SATL1: variants seen among roughly 807,000 people sequenced by gnomAD.
SATL1 encodes the protein spermidine/spermine N(1)-acetyltransferase-like protein 1.
SATL1 carries 47 observed loss-of-function variants against 51.8 expected under a neutral mutation model. The ratio of observed to expected loss-of-function variants is 0.91; its 90% CI spans 0.72 to 1.16. SATL1 has a LOEUF of 1.16. Among genes scored for constraint, SATL1 ranks in the 50% most tolerant of loss-of-function variants. The pLI, the probability that SATL1 is intolerant of heterozygous loss-of-function variation, is 0.00. For synonymous variants in SATL1, 176 were observed against 182.4 expected, an observed-to-expected ratio of 0.97 and a Z score of 0.28; for missense variants, 520 against 526.4, an observed-to-expected ratio of 0.99 and a Z score of 0.12.
At position 85,152,738 on chromosome X, in the gene SATL1, G is replaced by A. The variant is rs768088447; in HGVS notation, c.-312-43458C>T. Among the ~76,000 whole-genome samples, 230 of 110,632 alleles carry A rather than the reference G, an allele frequency of 2.1e-3. 3 individuals carry two copies. The highest frequency in any genetic ancestry group is 3.5e-3 in the Non-Finnish European group (184 of 52,935). On this transcript the variant is annotated intron_variant, in intron 2 of 7. Transcript: ENST00000644105. ...AAGGACAAAAAAGCAAACACCGCATGTTCTCACTCATAGGTGGGAATTGAA... is the reference window on the plus strand; with the variant it reads ...AAGGACAAAAAAGCAAACACCGCATATTCTCACTCATAGGTGGGAATTGAA...
rs1277017072 is a variant in SATL1 at position 85,092,463 on chromosome X, A to G, written c.2016T>C (p.Leu672=). The G allele has an allele frequency of 3.9e-5, 47 of 1,203,648 alleles. No homozygotes were observed. Among genetic ancestry groups the G allele is most frequent in the Non-Finnish European group, 5.2e-5 (46 of 891,930 alleles). ...AGAGATGCCAGCCCTCCTCAGAGGA[A>G]AGGTCTAAAGCCCCTCGACTAGTAT... ...NYYTSRGALD[L]SSEEGWHLFR... Residue 672 remains leucine (L), a synonymous_variant, in exon 8 of 8, where the codon CTT becomes CTC. Coordinates refer to ENST00000644105, the MANE Select transcript of SATL1 (RefSeq NM_001367857.2).
intron 2 of SATL1, among the ~76,000 whole-genome samples, chrX:85,199,949 A>T (rs1231929805): frequency 1.8e-5 from 2 of 112,132 alleles, no homozygotes; most frequent in African/African-American, 6.5e-5. Flanking sequence ...TTAAAAGATT[A>T]TAACTTGAAT....
intron 2 of SATL1, among the ~76,000 whole-genome samples, chrX:85,146,426 G>A (rs1267654912): frequency 9.0e-6 from 1 of 111,614 alleles, no homozygotes; most frequent in Non-Finnish European, 1.9e-5. Flanking sequence ...TTGCATTCCT[G>A]TATCAGAATA....
chrX:85,224,012 T>A (rs1602924952), intron 2 of SATL1, among the ~76,000 whole-genome samples, 193 bp downstream of exon 2: 1 of 112,037 alleles, frequency 8.9e-6, no homozygotes, highest in Non-Finnish European at 1.9e-5. Context: ...TGAATTCAGA[T>A]CTGACTCTAA....
chrX:85,116,866 T>C (rs1297285171), intron 2 of SATL1, among the ~76,000 whole-genome samples: 2 of 111,102 alleles, frequency 1.8e-5, no homozygotes, highest in African/African-American at 6.6e-5. Flanking sequence ...CCAAAACTGA[T>C]GATCAGCAGC....
chrX:85,103,595 T>C (rs1178384280), intron 4 of SATL1, among the ~76,000 whole-genome samples: 3 of 111,992 alleles, frequency 2.7e-5, no homozygotes, highest in Non-Finnish European at 5.6e-5. Flanking sequence ...TAAATTATAC[T>C]TTTTTGACCA....
At chrX:85,127,889 T>A in intron 2 of SATL1, among the ~76,000 whole-genome samples, 1 of 111,028 alleles carries the variant, frequency 9.0e-6, no homozygotes, top group Non-Finnish European at 1.9e-5. Flanking sequence ...AGTGAGAACA[T>A]GCAGTGTTCG....
At chrX:85,145,465 G>A (rs1466589324) in intron 2 of SATL1, among the ~76,000 whole-genome samples, 1 of 111,609 alleles carries the variant, frequency 9.0e-6, no homozygotes, top group Non-Finnish European at 1.9e-5. Flanking sequence ...CCATTTTTTT[G>A]TGATTCATTC....
chrX:85,242,517 A>G, intron 1 of SATL1, among the ~76,000 whole-genome samples: 1 of 112,618 alleles, frequency 8.9e-6, no homozygotes, highest in Middle Eastern at 4.6e-3. Flanking sequence ...CATTAAGATG[A>G]AATAAAATTC....
intron 2 of SATL1, chrX:85,156,472 G>A (rs1165224343): frequency 9.0e-6 from 1 of 110,725 alleles, no homozygotes; most frequent in Non-Finnish European, 1.9e-5. Context: ...ACCATAAACA[G>A]AAATGCCTCG....
At chrX:85,099,996 A>G (rs1448628740) in intron 4 of SATL1, among the ~76,000 whole-genome samples, 1 of 112,748 alleles carries the variant, frequency 8.9e-6, no homozygotes, top group African/African-American at 3.2e-5. Context: ...ACCTGACGTC[A>G]GGAGTTTGTG....
intron 2 of SATL1, among the ~76,000 whole-genome samples, chrX:85,157,372 C>T (rs766566826): frequency 3.6e-4 from 40 of 111,192 alleles, no homozygotes; most frequent in South Asian, 1.1e-3. Context: ...GGTTAAAGTA[C>T]TCTAGGTGAA....
chrX:85,127,698 AG>A (rs1290876182), intron 2 of SATL1, among the ~76,000 whole-genome samples: 1 of 111,479 alleles, frequency 9.0e-6, no homozygotes, highest in Non-Finnish European at 1.9e-5. Flanking sequence ...CACAACATGC[AG>A]GTGTGTTACT....
At chrX:85,125,020 C>T (rs1275765646) in intron 2 of SATL1, among the ~76,000 whole-genome samples, 3 of 109,305 alleles carry the variant, frequency 2.7e-5, no homozygotes, top group East Asian at 2.9e-4. Context: ...CAGACTGTCC[C>T]GGGCAGTTTC....
intron 2 of SATL1, among the ~76,000 whole-genome samples, chrX:85,185,281 T>G (rs1246615627): frequency 8.9e-6 from 1 of 112,852 alleles, no homozygotes; most frequent in Non-Finnish European, 1.9e-5. Context: ...GGGTCAGACC[T>G]GAAGCCAGCA....
intron 2 of SATL1, among the ~76,000 whole-genome samples, chrX:85,207,006 T>G (rs1927803505): frequency 9.0e-6 from 1 of 111,620 alleles, no homozygotes; most frequent in Non-Finnish European, 1.9e-5. Flanking sequence ...GTTTCTACTT[T>G]ATTTGTGAAA....
intron 4 of SATL1, among the ~76,000 whole-genome samples, chrX:85,095,597 C>CA (rs1569463522): frequency 1.8e-5 from 1 of 54,956 alleles, no homozygotes; most frequent in East Asian, 5.8e-4. Flanking sequence ...GAGGCCGAGG[C>CA]GGGCGGATCA....
At chrX:85,181,013 T>C (rs1457764466) in intron 2 of SATL1, among the ~76,000 whole-genome samples, 1 of 109,668 alleles carries the variant, frequency 9.1e-6, no homozygotes, top group Non-Finnish European at 1.9e-5. Context: ...GCCAAGATTA[T>C]AAAAATCGTT....
chrX:85,119,008 C>T (rs1331226244), intron 2 of SATL1, among the ~76,000 whole-genome samples: 1 of 111,869 alleles, frequency 8.9e-6, no homozygotes, highest in Non-Finnish European at 1.9e-5. Flanking sequence ...TATCATTCAA[C>T]AAATACTTAT....
Sources: allele counts gnomAD v4.1 joint callset (sites outside exome capture counted in the v4.1 genomes callset), GRCh38; gene constraint gnomAD v4.1.1; transcripts MANE v1.5; gene names NCBI Gene and HGNC (gene_info 2026-07-23, HGNC 2026-07-21).